Variants in TMCC1 observed in about 807,000 individuals in gnomAD.
TMCC1 encodes the protein transmembrane and coiled-coil domains protein 1.
A neutral mutation model predicts 52.4 loss-of-function variants in TMCC1; 15 were observed. The observed-to-expected ratio is 0.29, with a 90% CI of 0.19 to 0.44. The LOEUF (loss-of-function observed/expected upper bound fraction) is 0.44, where lower values mean the gene tolerates loss of function less well. Among genes scored for constraint, TMCC1 ranks in the 20% least tolerant of loss-of-function variants. TMCC1 has a pLI of 1.00. For synonymous variants in TMCC1, 279 were observed against 301.9 expected (o/e 0.92, Z 0.79); for missense variants, 503 against 806.0 (o/e 0.62, Z 4.55).
At chr3:129,683,919 G>T (rs889703327) in intron 4 of TMCC1, among the ~76,000 whole-genome samples, 1 of 152,212 alleles carries the variant, frequency 6.6e-6, no homozygotes, top group Non-Finnish European at 1.5e-5. Context: ...ATACTCCAGG[G>T]TGTTATCTTT....
intron 2 of TMCC1, among the ~76,000 whole-genome samples, chr3:129,871,365 CAAA>C (rs908333351): frequency 4.0e-5 from 2 of 49,814 alleles, no homozygotes; most frequent in Admixed American, 2.2e-4. Context: ...GACGCTGTCT[CAAA>C]AAAAAAAAAA....
chr3:129,841,408 G>A (rs1234664770), intron 2 of TMCC1, among the ~76,000 whole-genome samples: 2 of 152,140 alleles, frequency 1.3e-5, no homozygotes, highest in Non-Finnish European at 2.9e-5. Flanking sequence ...CCAATATGGT[G>A]AAACTCCGTT....
intron 4 of TMCC1, among the ~76,000 whole-genome samples, chr3:129,715,429 G>A (rs1197860791): frequency 1.3e-5 from 2 of 152,134 alleles, no homozygotes; most frequent in African/African-American, 4.8e-5. Flanking sequence ...GTGTGGTGTT[G>A]TGCACCTGCA....
intron 5 of TMCC1, 29 bp from the exon 6 acceptor site, chr3:129,655,132 T>C: frequency 1.1e-5 from 17 of 1,604,478 alleles, no homozygotes; most frequent in Non-Finnish European, 1.4e-5. Flanking sequence ...TTTAGAATTT[T>C]ATGAATTCTG....
At chr3:129,865,738 G>A (rs1193592397) in intron 2 of TMCC1, among the ~76,000 whole-genome samples, 1 of 152,066 alleles carries the variant, frequency 6.6e-6, no homozygotes, top group Non-Finnish European at 1.5e-5. Context: ...AAAAAAGAAA[G>A]AAATTAAAGA....
chr3:129,749,436 GAT>G (rs1458720302), intron 4 of TMCC1, among the ~76,000 whole-genome samples: 1 of 152,068 alleles, frequency 6.6e-6, no homozygotes, highest in Non-Finnish European at 1.5e-5. Flanking sequence ...GGAAAGAAAA[GAT>G]ATGGGGTTCT....
chr3:129,795,560 C>A lies in TMCC1; in HGVS notation c.576+32243G>T, dbSNP rs190908979. 5.3e-5 allele frequency among the ~76,000 whole-genome samples: 8 copies of A among 152,270 alleles called. No individual in the cohort carries two copies. In the East Asian group the frequency reaches 1.5e-3, roughly 29 times the overall value. On this transcript the variant is annotated intron_variant, in intron 4 of 6. Transcript: ENST00000393238. ...TTGGAATGAACCTACTATGTGCAGT[C>A]ACTATGTTAGGCAGTTCACATTTAT...
intron 4 of TMCC1, among the ~76,000 whole-genome samples, chr3:129,745,201 AAG>A (rs1431765764): frequency 1.3e-5 from 2 of 152,256 alleles, no homozygotes; most frequent in Non-Finnish European, 2.9e-5. Context: ...TACAAAAACA[AAG>A]AGAAAAAAAC....
chr3:129,801,537 C>T (rs551384423), intron 4 of TMCC1, among the ~76,000 whole-genome samples: 2 of 152,288 alleles, frequency 1.3e-5, no homozygotes, highest in South Asian at 4.1e-4. Context: ...TCTCGGGTCA[C>T]TGCACCCTCT....
chr3:129,859,217 C>T (rs2060273786), intron 2 of TMCC1, among the ~76,000 whole-genome samples: 2 of 152,216 alleles, frequency 1.3e-5, no homozygotes, highest in East Asian at 1.9e-4. Context: ...AGTCACATTC[C>T]TTTTCACTAT....
intron 4 of TMCC1, among the ~76,000 whole-genome samples, chr3:129,758,604 T>C (rs1308008029): frequency 6.6e-6 from 1 of 152,200 alleles, no homozygotes; most frequent in Non-Finnish European, 1.5e-5. Context: ...GTTAGTATCA[T>C]AAAGTTAGTT....
intron 4 of TMCC1, among the ~76,000 whole-genome samples, chr3:129,772,477 A>G (rs1484148584): frequency 6.6e-6 from 1 of 152,140 alleles, no homozygotes. Flanking sequence ...GCACTTTGGG[A>G]AGCTGAGGCA....
chr3:129,825,863 C>T (rs1230814508), intron 4 of TMCC1, among the ~76,000 whole-genome samples: 1 of 152,104 alleles, frequency 6.6e-6, no homozygotes, highest in East Asian at 1.9e-4. Flanking sequence ...GACTGTGTTA[C>T]TATAAAACTA....
intron 4 of TMCC1, among the ~76,000 whole-genome samples, chr3:129,784,435 G>A (rs1027153926): frequency 1.3e-5 from 2 of 151,724 alleles, no homozygotes; most frequent in Non-Finnish European, 2.9e-5. Flanking sequence ...GTGCAGTGGC[G>A]GGCGCCTGTA....
chr3:129,886,705 T>C (rs867760511), intron 1 of TMCC1, among the ~76,000 whole-genome samples: 1 of 151,336 alleles, frequency 6.6e-6, no homozygotes, highest in Non-Finnish European at 1.5e-5. Context: ...TTTGGGAGGC[T>C]GAGGCGGACC....
chr3:129,808,249 A>C (rs1047121965), intron 4 of TMCC1, among the ~76,000 whole-genome samples: 2 of 152,062 alleles, frequency 1.3e-5, no homozygotes, highest in African/African-American at 2.4e-5. Context: ...TTGGGAGGCC[A>C]ATGCAGGCAG....
intron 1 of TMCC1, among the ~76,000 whole-genome samples, chr3:129,882,213 T>G (rs1203838981): frequency 6.6e-6 from 1 of 152,100 alleles, no homozygotes; most frequent in Non-Finnish European, 1.5e-5. Flanking sequence ...GCAAAGGATA[T>G]TTCTACGAAG....
intron 4 of TMCC1, among the ~76,000 whole-genome samples, chr3:129,757,249 C>A (rs960708150): frequency 6.6e-6 from 1 of 152,152 alleles, no homozygotes; most frequent in Non-Finnish European, 1.5e-5. Context: ...AAGGCACAGT[C>A]CCACAGGTCC....
intron 4 of TMCC1, among the ~76,000 whole-genome samples, chr3:129,719,708 T>G (rs146780688): frequency 9.9e-4 from 151 of 152,296 alleles, no homozygotes; most frequent in African/African-American, 3.5e-3. Context: ...ATCAGAATTG[T>G]GTTGTTGAGA....
Sources: allele counts gnomAD v4.1 joint callset (sites outside exome capture counted in the v4.1 genomes callset), GRCh38; gene constraint gnomAD v4.1.1; transcripts MANE v1.5; gene names NCBI Gene and HGNC (gene_info 2026-07-23, HGNC 2026-07-21).